The following PRKG2 variants were observed in gnomAD, a reference collection of about 807,000 sequenced individuals.
PRKG2 encodes cGMP-dependent protein kinase 2.
In PRKG2, 33 loss-of-function variants were observed where a neutral mutation model predicts 97.2. That is an observed-to-expected ratio of 0.34 (90% CI 0.26 to 0.45). The LOEUF (loss-of-function observed/expected upper bound fraction) is 0.45, where lower values mean the gene tolerates loss of function less well. Ranked by LOEUF, PRKG2 falls within the 20% of genes least tolerant of loss-of-function variation. The pLI is 1.00. For missense variants in PRKG2, 638 were observed against 900.0 expected, an observed-to-expected ratio of 0.71 and a Z score of 3.73; for synonymous variants, 330 against 321.8, an observed-to-expected ratio of 1.03 and a Z score of -0.27.
intron 14 of PRKG2, among the ~76,000 whole-genome samples, chr4:81,128,208 T>G (rs1745800026): frequency 6.6e-6 from 1 of 152,218 alleles, no homozygotes; most frequent in African/African-American, 2.4e-5. Flanking sequence ...ATAAACTTTT[T>G]TATGTGCTGC....
chr4:81,157,084 C>T (rs2110066989), intron 6 of PRKG2, among the ~76,000 whole-genome samples: 1 of 152,078 alleles, frequency 6.6e-6, no homozygotes, highest in Non-Finnish European at 1.5e-5. Context: ...AAAATCAGAG[C>T]AGAACTGAAG....
At chr4:81,091,168 T>C (rs1741490618) in intron 18 of PRKG2, among the ~76,000 whole-genome samples, 1 of 152,214 alleles carries the variant, frequency 6.6e-6, no homozygotes, top group Non-Finnish European at 1.5e-5. Context: ...AAAGGAGTGA[T>C]ACAATATTTC....
intron 6 of PRKG2, among the ~76,000 whole-genome samples, chr4:81,156,026 G>A (rs916768970): frequency 4.6e-5 from 7 of 151,518 alleles, no homozygotes; most frequent in Non-Finnish European, 8.8e-5. Context: ...ATCAACTAAC[G>A]AGCAAAATAA....
intron 8 of PRKG2, among the ~76,000 whole-genome samples, chr4:81,149,848 A>G (rs189225681): frequency 5.9e-5 from 9 of 152,288 alleles, no homozygotes; most frequent in African/African-American, 2.2e-4. Flanking sequence ...GTTATCGCAC[A>G]AAGTGTATTT....
chr4:81,090,833 G>A (rs977750810), intron 18 of PRKG2, among the ~76,000 whole-genome samples: 1 of 151,916 alleles, frequency 6.6e-6, no homozygotes. Context: ...ATTTTAAAAA[G>A]GAATAGAATT....
At chr4:81,200,148 A>G (rs1166495848) in intron 2 of PRKG2, among the ~76,000 whole-genome samples, 1 of 152,234 alleles carries the variant, frequency 6.6e-6, no homozygotes, top group Non-Finnish European at 1.5e-5. Context: ...TAATCTCAGT[A>G]AAAGGTCTGA....
At position 81,151,944 on chromosome 4, in the gene PRKG2, T is replaced by A. The variant is rs761110678; in HGVS notation, c.1085+16A>T. The A allele has an allele frequency of 3.8e-6, 6 of 1,567,406 alleles. No homozygotes were observed. The highest frequency in any genetic ancestry group is 5.3e-6 in the Non-Finnish European group (6 of 1,140,696). On this transcript the variant is annotated intron_variant, in intron 8 of 18. Transcript: ENST00000264399. ...AGCATTTTATCCAAAGTATGGCATA[T>A]AATTCATGAATTCACCTGATAAGAG...
intron 2 of PRKG2, among the ~76,000 whole-genome samples, chr4:81,182,996 A>C (rs1751549474): frequency 6.6e-6 from 1 of 152,076 alleles, no homozygotes; most frequent in Non-Finnish European, 1.5e-5. Flanking sequence ...CAATGCTCTA[A>C]ATTTAAAAAT....
At chr4:81,185,561 C>T (rs556462101) in intron 2 of PRKG2, among the ~76,000 whole-genome samples, 64 of 152,170 alleles carry the variant, frequency 4.2e-4, no homozygotes, top group Middle Eastern at 6.8e-3. Context: ...ATGAAGAAAC[C>T]ACATCAACTA....
intron 2 of PRKG2, among the ~76,000 whole-genome samples, chr4:81,180,031 G>C (rs1368880594): frequency 2.0e-5 from 3 of 152,078 alleles, no homozygotes; most frequent in African/African-American, 7.2e-5. Context: ...TACTCGGGAG[G>C]CTGAGGCAGG....
chr4:81,110,605 A>C lies in PRKG2; in HGVS notation c.1783T>G (p.Phe595Val). Residue 595 changes from phenylalanine (F) to valine (V), a missense_variant, in exon 15 of 19, where the codon TTT becomes GTT. This residue lies in a region of PRKG2 where 304 missense variants were observed against 460.5 expected (regional missense o/e 0.66). Coordinates refer to ENST00000264399, the MANE Select transcript of PRKG2 (RefSeq NM_006259.3). ...DAEGYLKLVD[F>V]GFAKKIGSGQ... ...GACCCTATTTTCTTCGCAAATCCAA[A>C]GTCAACCTGGTAAAGAATAGCAAAG... 6.2e-7 allele frequency: 1 copy of C among 1,613,748 alleles called. No individual in the cohort carries two copies. The highest frequency in any genetic ancestry group is 8.5e-7 in the Non-Finnish European group (1 of 1,179,888).
chr4:81,125,750 C>T (rs1463831264), intron 14 of PRKG2, among the ~76,000 whole-genome samples: 2 of 152,150 alleles, frequency 1.3e-5, no homozygotes, highest in Non-Finnish European at 2.9e-5. Context: ...GGAACAGCCT[C>T]ACTAAAACTT....
In PRKG2 at chr4:81,192,659, T is replaced by C. The variant is rs1307689751; in HGVS notation, c.461+11928A>G. The stretch of plus-strand genomic sequence containing the variant: ...ATTATGCACATTAACTTAAATAACG[T>C]GCCAGTAACTTAATAAATGGTAGTC... On this transcript the variant is annotated intron_variant, in intron 2 of 18. Coordinates refer to ENST00000264399, the MANE Select transcript of PRKG2 (RefSeq NM_006259.3). Among the ~76,000 whole-genome samples the C allele has an allele frequency of 1.3e-5, 2 of 152,196 alleles. 1 individual carries two copies. The highest frequency in any genetic ancestry group is 1.3e-4 in the Admixed American group (2 of 15,282).
chr4:81,135,258 G>A lies in PRKG2; in HGVS notation c.1673C>T (p.Ala558Val). ...GTAATCAAATGCTTCTGTCACACAA[G>A]CAACGCAGAATTTGGAGGTGGGTTC... ...FDEPTSKFCV[A>V]CVTEAFDYLH... The change falls in exon 14 of 19, where the codon GCT becomes GTT. Residue 558 changes from alanine to valine, a missense_variant. This residue lies in a region of PRKG2 where 304 missense variants were observed against 460.5 expected (regional missense o/e 0.66). Coordinates refer to ENST00000264399, the MANE Select transcript of PRKG2 (RefSeq NM_006259.3). 6.2e-7 allele frequency: 1 copy of A among 1,613,180 alleles called. No individual in the cohort carries two copies. The highest frequency in any genetic ancestry group is 8.5e-7 in the Non-Finnish European group (1 of 1,179,490).
chr4:81,130,238 C>T (rs927067398), intron 14 of PRKG2, among the ~76,000 whole-genome samples: 1 of 152,078 alleles, frequency 6.6e-6, no homozygotes, highest in Non-Finnish European at 1.5e-5. Context: ...GTTAGTTTTC[C>T]TTCTAACAGT....
intron 13 of PRKG2, among the ~76,000 whole-genome samples, chr4:81,136,398 G>A (rs529627651): frequency 1.2e-4 from 18 of 152,126 alleles, no homozygotes; most frequent in Non-Finnish European, 1.6e-4. Flanking sequence ...AGCTTTCCAC[G>A]TGAATGCAAT....
chr4:81,092,274 A>T (rs1741614419), intron 18 of PRKG2, 112 bp downstream of exon 18: 2 of 610,576 alleles, frequency 3.3e-6, no homozygotes, highest in South Asian at 3.6e-5. Context: ...AACTGCTTTA[A>T]AAAAAAACAC....
intron 2 of PRKG2, among the ~76,000 whole-genome samples, chr4:81,202,090 T>C (rs1005063229): frequency 6.6e-6 from 1 of 152,220 alleles, no homozygotes; most frequent in African/African-American, 2.4e-5. Context: ...GACAAACTAA[T>C]GTATACTGTA....
At chr4:81,091,563 G>T (rs370103538) in intron 18 of PRKG2, among the ~76,000 whole-genome samples, 1 of 152,030 alleles carries the variant, frequency 6.6e-6, no homozygotes, top group East Asian at 1.9e-4. Context: ...GATTACAGGC[G>T]TGAGCCACCA....
Sources: gnomAD v4.1 joint callset for allele counts (sites outside exome capture counted in the v4.1 genomes callset) on GRCh38, gnomAD v4.1.1 for gene constraint, gnomAD v4.1.1 regional missense constraint, MANE v1.5 for transcripts, NCBI Gene and HGNC (gene_info 2026-07-23, HGNC 2026-07-21) for gene names.